The following TANC2 variants were observed in gnomAD, a reference collection of about 807,000 sequenced individuals.
TANC2 encodes the protein tetratricopeptide repeat, ankyrin repeat and coiled-coil containing 2.
TANC2 carries 26 observed loss-of-function variants against 210.5 expected under a neutral mutation model. The observed-to-expected ratio is 0.12, with a 90% CI of 0.09 to 0.17. The LOEUF is 0.17. TANC2 is among the 10% of genes least tolerant of loss of function. TANC2 has a pLI of 1.00. For synonymous variants in TANC2, 931 were observed against 967.1 expected, an observed-to-expected ratio of 0.96 and a Z score of 0.69; for missense variants, 2,129 against 2,608.9, an observed-to-expected ratio of 0.82 and a Z score of 4.01.
chr17:63,357,912 G>A (rs2046825382), intron 14 of TANC2, among the ~76,000 whole-genome samples: 1 of 152,146 alleles, frequency 6.6e-6, no homozygotes, highest in Non-Finnish European at 1.5e-5. Flanking sequence ...GCATCTTTCA[G>A]TAGATCAAAG....
chr17:63,120,652 A>ATTTTTTGT (rs1167928987), intron 4 of TANC2: 1 of 151,822 alleles, frequency 6.6e-6, no homozygotes, highest in Non-Finnish European at 1.5e-5. Context: ...GTCTTTACAA[A>ATTTTTTGT]AAATACAAAA....
In TANC2 at chr17:63,000,937, A is replaced by G. The variant is rs1482361722; in HGVS notation, c.-23-8600A>G. On this transcript the variant is annotated intron_variant, in intron 1 of 27. Transcript: ENST00000689528. Reference sequence around the variant, plus strand: ...AGCTTTATGTTTTACTTTTCTATATATTGAAGTAATTAAAAAAGTTTTAGA... The same window carrying G: ...AGCTTTATGTTTTACTTTTCTATATGTTGAAGTAATTAAAAAAGTTTTAGA... Among the ~76,000 whole-genome samples, 3 of 148,818 alleles carry G rather than the reference A, an allele frequency of 2.0e-5. No individual in the cohort carries two copies. The Admixed American group carries it at 2.0e-4, about 10-fold the overall frequency.
chr17:63,070,679 T>G (rs59133422), intron 2 of TANC2, among the ~76,000 whole-genome samples: 2 of 152,024 alleles, frequency 1.3e-5, no homozygotes, highest in African/African-American at 4.8e-5. Flanking sequence ...TTAAAAAAAA[T>G]TAAAAGGATA....
chr17:63,190,901 A>C (rs910825476), intron 5 of TANC2, among the ~76,000 whole-genome samples: 3 of 152,160 alleles, frequency 2.0e-5, no homozygotes, highest in African/African-American at 7.2e-5. Context: ...AACCCTGATA[A>C]TTTAGCACTG....
intron 4 of TANC2, among the ~76,000 whole-genome samples, chr17:63,101,388 A>G (rs988173450): frequency 2.6e-5 from 4 of 152,204 alleles, no homozygotes; most frequent in East Asian, 1.9e-4. Flanking sequence ...CATACATTCA[A>G]ACTTTCAAGT....
exon 15 of TANC2, chr17:63,379,791 C>T (rs2047546762): frequency 3.7e-6 from 6 of 1,612,654 alleles, no homozygotes; most frequent in South Asian, 1.1e-5. Flanking sequence ...GACTATTGAA[C>T]TGGGACATCA....
intron 6 of TANC2, among the ~76,000 whole-genome samples, chr17:63,194,759 T>C (rs912352581): frequency 3.3e-5 from 5 of 152,142 alleles, no homozygotes; most frequent in African/African-American, 1.2e-4. Flanking sequence ...CTTAGAAGTG[T>C]ATTACTCAAT....
At chr17:63,362,084 T>C (rs1035095399) in intron 14 of TANC2, among the ~76,000 whole-genome samples, 11 of 146,404 alleles carry the variant, frequency 7.5e-5, no homozygotes, top group Middle Eastern at 3.6e-3. Context: ...AGCTCCTATG[T>C]ACAGGCAGGA....
intron 4 of TANC2, among the ~76,000 whole-genome samples, chr17:63,147,965 G>A (rs2039519782): frequency 6.6e-6 from 1 of 152,102 alleles, no homozygotes; most frequent in Non-Finnish European, 1.5e-5. Flanking sequence ...AATAATAACA[G>A]CTGATGTTTT....
At chr17:63,182,790 G>C (rs767522184) in intron 5 of TANC2, 4 of 152,886 alleles carry the variant, frequency 2.6e-5, no homozygotes, top group Non-Finnish European at 4.4e-5. Context: ...TCACTACAAA[G>C]AGAATTGTTG....
At chr17:63,107,144 ATATTTT>A (rs1469076702) in intron 4 of TANC2, among the ~76,000 whole-genome samples, 7 of 151,666 alleles carry the variant, frequency 4.6e-5, no homozygotes, top group Non-Finnish European at 1.0e-4. Flanking sequence ...AATAAGAAAA[ATATTTT>A]TAAAAGTCAA....
In TANC2 at chr17:63,308,196, T is replaced by G. The variant is rs544831586; in HGVS notation, c.1160-6192T>G. The stretch of plus-strand genomic sequence containing the variant: ...CTATTTCTATCCCATAGTAAATTTC[T>G]TCTTATATTTTAATTTTGGTGCTCT... On this transcript the variant is annotated intron_variant, in intron 9 of 27. Transcript: ENST00000689528. 3.9e-5 allele frequency among the ~76,000 whole-genome samples: 6 copies of G among 152,354 alleles called. No homozygotes were observed. In the South Asian group the frequency reaches 1.0e-3, roughly 26 times the overall value.
At chr17:63,262,990 T>A (rs1210147192) in intron 8 of TANC2, among the ~76,000 whole-genome samples, 1 of 152,164 alleles carries the variant, frequency 6.6e-6, no homozygotes, top group African/African-American at 2.4e-5. Context: ...CCTTTCTTAG[T>A]TTAAGTTCCC....
chr17:62,987,133 A>G lies in TANC2; in HGVS notation c.-24+20384A>G, dbSNP rs146129221. 2.0e-3 allele frequency among the ~76,000 whole-genome samples: 304 copies of G among 152,280 alleles called. 3 individuals carry two copies. Among genetic ancestry groups the G allele is most frequent in the African/African-American group, 6.9e-3 (286 of 41,554 alleles). On this transcript the variant is annotated intron_variant, in intron 1 of 27. Transcript: ENST00000689528. ...GTTTGGGCAGCTCTAGGGCAGGTTC[A>G]TCCTGGGTAGGACTGCCAGACTGTT...
Position 63,290,912 on chromosome 17 carries a change from A to C in TANC2, c.1159+23039A>C, listed in dbSNP as rs181954493. Among the ~76,000 whole-genome samples the C allele has an allele frequency of 8.5e-5, 13 of 152,342 alleles. No homozygotes were observed. In the East Asian group the frequency reaches 2.5e-3, roughly 29 times the overall value. The stretch of plus-strand genomic sequence containing the variant: ...AAGAGTTAAATGAGTCATTGTTTAC[A>C]TAACAATAAACTTAACATGTAACAT... On this transcript the variant is annotated intron_variant, in intron 9 of 27. Coordinates refer to ENST00000689528, the Ensembl canonical transcript of TANC2.
intron 14 of TANC2, among the ~76,000 whole-genome samples, chr17:63,373,858 A>G (rs1385748545): frequency 6.6e-6 from 1 of 152,010 alleles, no homozygotes; most frequent in Admixed American, 6.6e-5. Context: ...GTGCACGCCC[A>G]TAATCCCAGC....
At chr17:63,386,883 C>T (rs1453677766) in intron 15 of TANC2, among the ~76,000 whole-genome samples, 4 of 151,982 alleles carry the variant, frequency 2.6e-5, no homozygotes, top group Non-Finnish European at 1.5e-5. Context: ...GACAAAGCCT[C>T]ACGGTGTTGC....
At chr17:63,193,083 C>A (rs1301447793) in intron 5 of TANC2, among the ~76,000 whole-genome samples, 1 of 152,046 alleles carries the variant, frequency 6.6e-6, no homozygotes, top group East Asian at 1.9e-4. Context: ...TTGAAGAGAC[C>A]AGTTTTGCCT....
intron 9 of TANC2, among the ~76,000 whole-genome samples, chr17:63,283,029 G>A (rs2044106601): frequency 6.6e-6 from 1 of 151,938 alleles, no homozygotes; most frequent in Admixed American, 6.6e-5. Flanking sequence ...AGATTTCTCT[G>A]ACAAATGAAA....
Sources: gnomAD v4.1 joint callset for allele counts (sites outside exome capture counted in the v4.1 genomes callset) on GRCh38, gnomAD v4.1.1 for gene constraint, MANE v1.5 for transcripts, NCBI Gene and HGNC (gene_info 2026-07-23, HGNC 2026-07-21) for gene names.